LAPTM4B: variants seen among roughly 807,000 people sequenced by gnomAD.
LAPTM4B encodes the protein lysosomal-associated transmembrane protein 4B.
In LAPTM4B, 26 loss-of-function variants were observed where a neutral mutation model predicts 28.5. The observed-to-expected ratio is 0.91, with a 90% CI of 0.67 to 1.27. LAPTM4B has a LOEUF of 1.27. Ranked by LOEUF, LAPTM4B falls within the 50% of genes most tolerant of loss-of-function variation. The pLI, the probability that LAPTM4B is intolerant of heterozygous loss-of-function variation, is 0.00. For synonymous variants in LAPTM4B, 109 were observed against 106.4 expected (o/e 1.02, Z -0.15); for missense variants, 288 against 285.8 (o/e 1.01, Z -0.06).
intron 2 of LAPTM4B, among the ~76,000 whole-genome samples, chr8:97,811,245 C>T (rs7833347): frequency 0.097 from 14,730 of 152,076 alleles, 2,373 homozygotes; most frequent in African/African-American, 0.33. Flanking sequence ...CCTTGATATA[C>T]GTACACTCCA....
At chr8:97,798,317 A>G (rs999096355) in intron 1 of LAPTM4B, among the ~76,000 whole-genome samples, 1 of 152,042 alleles carries the variant, frequency 6.6e-6, no homozygotes, top group Non-Finnish European at 1.5e-5. Context: ...TTTTCTATTC[A>G]CATCATTCAT....
Position 97,785,291 on chromosome 8 carries a change from G to A in LAPTM4B, c.99+9183G>A, listed in dbSNP as rs145461066. 3.2e-3 allele frequency among the ~76,000 whole-genome samples: 489 copies of A among 152,166 alleles called. 4 individuals carry two copies. The highest frequency in any genetic ancestry group is 0.01 in the African/African-American group (435 of 41,522). ...GGGGTTTCACCATGTTGACCAGGCT[G>A]GTCTAGAACTCTTGACCTCAGGTGA... On this transcript the variant is annotated intron_variant, in intron 1 of 6. Coordinates refer to ENST00000521545, the MANE Select transcript of LAPTM4B (RefSeq NM_018407.6).
chr8:97,822,755 T>C (rs1817027130), intron 5 of LAPTM4B, among the ~76,000 whole-genome samples: 1 of 152,150 alleles, frequency 6.6e-6, no homozygotes, highest in Non-Finnish European at 1.5e-5. Context: ...GTATATGAGA[T>C]ATTTTGATAC....
chr8:97,829,731 G>A (rs1817150750), intron 6 of LAPTM4B, among the ~76,000 whole-genome samples: 1 of 150,602 alleles, frequency 6.6e-6, no homozygotes, highest in Admixed American at 6.6e-5. Flanking sequence ...TTGCTCTGTA[G>A]CCCAAGCTGG....
chr8:97,823,361 T>TG (rs11462603), intron 5 of LAPTM4B, among the ~76,000 whole-genome samples: 10,880 of 134,434 alleles, frequency 0.081, 1,018 homozygotes, highest in East Asian at 0.38. Flanking sequence ...TTTTTGTTTT[T>TG]TTTTTGTTGT....
intron 5 of LAPTM4B, among the ~76,000 whole-genome samples, chr8:97,824,704 A>T (rs1227978233): frequency 1.3e-5 from 2 of 152,212 alleles, no homozygotes; most frequent in Non-Finnish European, 2.9e-5. Flanking sequence ...AATACATTCG[A>T]TTGTTCTGTG....
At chr8:97,784,435 G>T (rs1200451566) in intron 1 of LAPTM4B, among the ~76,000 whole-genome samples, 2 of 152,022 alleles carry the variant, frequency 1.3e-5, no homozygotes, top group Non-Finnish European at 2.9e-5. Flanking sequence ...TTTGGTTGTT[G>T]TTTTTGTTTT....
intron 1 of LAPTM4B, among the ~76,000 whole-genome samples, chr8:97,800,484 C>CT (rs546425169): frequency 0.025 from 1,717 of 69,296 alleles, 199 homozygotes; most frequent in African/African-American, 0.039. Flanking sequence ...CCCTTGACCT[C>CT]TTTTTTTTTT....
chr8:97,814,730 A>G (rs1007762446), intron 2 of LAPTM4B, among the ~76,000 whole-genome samples: 6 of 148,782 alleles, frequency 4.0e-5, no homozygotes, highest in Non-Finnish European at 6.0e-5. Context: ...GTCTCGCTCT[A>G]TCGCCCAGAC....
At chr8:97,777,615 TTA>T (rs1246579124) in intron 1 of LAPTM4B, among the ~76,000 whole-genome samples, 1 of 152,204 alleles carries the variant, frequency 6.6e-6, no homozygotes, top group African/African-American at 2.4e-5. Flanking sequence ...ACTGTGCTAT[TTA>T]TAGTTTCAAG....
chr8:97,839,536 C>T (rs1817313856), intron 6 of LAPTM4B, among the ~76,000 whole-genome samples: 1 of 152,188 alleles, frequency 6.6e-6, no homozygotes, highest in Admixed American at 6.5e-5. Context: ...TGGAAATTAT[C>T]TCCGAGCCAT....
intron 1 of LAPTM4B, among the ~76,000 whole-genome samples, chr8:97,777,865 A>G (rs1816250691): frequency 7.9e-5 from 12 of 152,274 alleles, no homozygotes; most frequent in Admixed American, 7.8e-4. Flanking sequence ...TTGATGATCA[A>G]GACAGCCTGT....
At chr8:97,817,034 G>A (rs948421217) in intron 4 of LAPTM4B, among the ~76,000 whole-genome samples, 1 of 152,174 alleles carries the variant, frequency 6.6e-6, no homozygotes, top group Non-Finnish European at 1.5e-5. Flanking sequence ...CCTTTCTCAA[G>A]CATCATTTTG....
At chr8:97,841,153 T>TCCTCACTTCCCAGACAGTTGGGCGGCC (rs1817342250) in intron 6 of LAPTM4B, among the ~76,000 whole-genome samples, 2 of 138,786 alleles carry the variant, frequency 1.4e-5, no homozygotes, top group East Asian at 4.4e-4. Context: ...TCAGGGTGGC[T>TCCTCACTTCCCAGACAGTTGGGCGGCC]GGGCAGAGGC....
At chr8:97,834,905 T>C (rs1817238300) in intron 6 of LAPTM4B, among the ~76,000 whole-genome samples, 1 of 152,234 alleles carries the variant, frequency 6.6e-6, no homozygotes, top group South Asian at 2.1e-4. Flanking sequence ...AGGCTTTTTG[T>C]TTTGGTTTCG....
At chr8:97,792,681 G>A (rs931087713) in intron 1 of LAPTM4B, among the ~76,000 whole-genome samples, 21 of 152,118 alleles carry the variant, frequency 1.4e-4, no homozygotes, top group Admixed American at 1.3e-4. Context: ...CCAGGTCCAA[G>A]TGATTCTTCT....
At chr8:97,780,526 A>G (rs1404721354) in intron 1 of LAPTM4B, among the ~76,000 whole-genome samples, 2 of 152,150 alleles carry the variant, frequency 1.3e-5, no homozygotes, top group African/African-American at 4.8e-5. Flanking sequence ...TCTTTTTTAT[A>G]TGTTTTCTTA....
chr8:97,834,611 C>T (rs1817234232), intron 6 of LAPTM4B, among the ~76,000 whole-genome samples: 1 of 151,706 alleles, frequency 6.6e-6, no homozygotes, highest in Non-Finnish European at 1.5e-5. Context: ...ACTCTTTTAC[C>T]CTGGCTGGAG....
chr8:97,778,827 G>A (rs1264391308), intron 1 of LAPTM4B, among the ~76,000 whole-genome samples: 2 of 151,956 alleles, frequency 1.3e-5, no homozygotes, highest in African/African-American at 4.8e-5. Context: ...CCGTCTCTGG[G>A]TCGCCGGCTA....
Sources: gnomAD v4.1 joint callset for allele counts (sites outside exome capture counted in the v4.1 genomes callset) on GRCh38, gnomAD v4.1.1 for gene constraint, MANE v1.5 for transcripts, NCBI Gene and HGNC (gene_info 2026-07-23, HGNC 2026-07-21) for gene names.